Variants in VPS35L observed in about 807,000 individuals in gnomAD.
VPS35L encodes the protein VPS35 endosomal protein sorting factor like.
A neutral mutation model predicts 133.0 loss-of-function variants in VPS35L; 83 were observed. The ratio of observed to expected loss-of-function variants is 0.62; its 90% CI spans 0.52 to 0.75. The LOEUF (loss-of-function observed/expected upper bound fraction) is 0.75. Ranked by LOEUF, VPS35L falls within the 30% of genes least tolerant of loss-of-function variation. The pLI is 0.00. For synonymous variants in VPS35L, 423 were observed against 449.9 expected (o/e 0.94, Z 0.76); for missense variants, 1,083 against 1,206.8 (o/e 0.90, Z 1.52).
At chr16:19,648,901 G>C (rs1313945628) in intron 24 of VPS35L, among the ~76,000 whole-genome samples, 1 of 147,976 alleles carries the variant, frequency 6.8e-6, no homozygotes, top group East Asian at 2.0e-4. Context: ...AAAAAAGTTA[G>C]GTTCAGACAA....
chr16:19,676,193 A>G (rs1403831515), intron 27 of VPS35L, among the ~76,000 whole-genome samples: 4 of 152,170 alleles, frequency 2.6e-5, no homozygotes, highest in Non-Finnish European at 5.9e-5. Context: ...TGGAGGTTGT[A>G]GTGAGCCAAG....
intron 26 of VPS35L, among the ~76,000 whole-genome samples, chr16:19,663,086 G>T (rs2151598473): frequency 6.6e-6 from 1 of 152,188 alleles, no homozygotes; most frequent in African/African-American, 2.4e-5. Context: ...GAGGCGGGCA[G>T]ATCACCTGAG....
In VPS35L at chr16:19,616,051, C is replaced by T; in HGVS notation, c.1024-63C>T. 4 of 1,282,704 alleles carry T rather than the reference C, an allele frequency of 3.1e-6. No homozygotes were observed. The South Asian group carries it at 5.8e-5, about 19-fold the overall frequency. The allele number at this position is 1,282,704 out of a possible 1,614,324, so 79.5% of individuals were successfully genotyped here. ...CATAGGTATATATATTTTTTAATTT[C>T]CAAAAATAAAATCATACTATAGTCA... On this transcript the variant is annotated intron_variant, in intron 12 of 30. Transcript: ENST00000417362.
At chr16:19,651,214 T>A (rs1466593098) in intron 25 of VPS35L, among the ~76,000 whole-genome samples, 8 of 151,808 alleles carry the variant, frequency 5.3e-5, no homozygotes, top group African/African-American at 1.9e-4. Flanking sequence ...ATTTTCAGCT[T>A]CTTGAAGCTG....
intron 23 of VPS35L, 129 bp downstream of exon 23, chr16:19,645,078 G>T: frequency 3.8e-6 from 2 of 525,728 alleles, no homozygotes; most frequent in Non-Finnish European, 6.3e-6. Context: ...AATGAAATTA[G>T]AAAACATCTT....
intron 18 of VPS35L, among the ~76,000 whole-genome samples, 197 bp downstream of exon 18, chr16:19,630,017 A>G (rs1973395570): frequency 6.6e-6 from 1 of 152,222 alleles, no homozygotes; most frequent in Non-Finnish European, 1.5e-5. Flanking sequence ...TTCCATGTTT[A>G]CATTTAAGTT....
Position 19,629,764 on chromosome 16 carries a change from T to C in VPS35L, c.1501-3T>C. 1 of 1,613,226 alleles carries C rather than the reference T, an allele frequency of 6.2e-7. No homozygotes were observed. Among genetic ancestry groups the C allele is most frequent in the Non-Finnish European group, 8.5e-7 (1 of 1,179,148 alleles). On this transcript the variant is annotated splice_region_variant and splice_polypyrimidine_tract_variant and intron_variant, in intron 17 of 30. Transcript: ENST00000417362. ...GTTAAGATGTTTTCCTTTCTCTTTG[T>C]AGGACTACATTAATTGTGCCGAAGT...
At chr16:19,669,675 T>G (rs1045866722) in intron 27 of VPS35L, among the ~76,000 whole-genome samples, 1 of 71,328 alleles carries the variant, frequency 1.4e-5, no homozygotes, top group Non-Finnish European at 3.4e-5. Context: ...CTGTCTCTCT[T>G]TTTTTTTTTT....
chr16:19,629,624 TA>T, intron 17 of VPS35L, 142 bp from the exon 18 acceptor site: 1 of 591,844 alleles, frequency 1.7e-6, no homozygotes, highest in Non-Finnish European at 2.9e-6. Flanking sequence ...TATTCCTAAA[TA>T]AAAGATCAGC....
intron 6 of VPS35L, among the ~76,000 whole-genome samples, chr16:19,581,044 C>A (rs1971693349): frequency 6.6e-6 from 1 of 152,096 alleles, no homozygotes; most frequent in South Asian, 2.1e-4. Flanking sequence ...GAGTTAATAT[C>A]CGTCTGTCTT....
At chr16:19,584,234 T>G (rs748980045) in intron 7 of VPS35L, among the ~76,000 whole-genome samples, 1 of 152,350 alleles carries the variant, frequency 6.6e-6, no homozygotes, top group Non-Finnish European at 1.5e-5. Flanking sequence ...GTGGGATTGC[T>G]ACATCATATG....
Position 19,681,856 on chromosome 16 carries a change from C to G in VPS35L, c.2362-369C>G, listed in dbSNP as rs546609302. On this transcript the variant is annotated intron_variant, in intron 27 of 30. Coordinates refer to ENST00000417362, the MANE Select transcript of VPS35L (RefSeq NM_020314.7). Reference sequence around the variant, plus strand: ...ATCTGCTACGATACCCGCGATCCTGCTTTTGTGGTTGGAACAGGGCTTCCT... The same window carrying G: ...ATCTGCTACGATACCCGCGATCCTGGTTTTGTGGTTGGAACAGGGCTTCCT... 3.4e-5 allele frequency among the ~76,000 whole-genome samples: 5 copies of G among 145,962 alleles called. No homozygotes were observed. The South Asian group carries it at 1.1e-3, about 31-fold the overall frequency.
chr16:19,572,860 A>G (rs1246165644), intron 3 of VPS35L, among the ~76,000 whole-genome samples: 2 of 152,050 alleles, frequency 1.3e-5, no homozygotes, highest in Non-Finnish European at 2.9e-5. Flanking sequence ...TTTTTAGTAG[A>G]GATGGGGTTT....
intron 26 of VPS35L, among the ~76,000 whole-genome samples, chr16:19,667,644 G>A (rs1246803158): frequency 6.6e-6 from 1 of 151,612 alleles, no homozygotes; most frequent in East Asian, 1.9e-4. Flanking sequence ...TGAGGTAGGA[G>A]GATGGCTGGA....
At position 19,573,138 on chromosome 16, in the gene VPS35L, G is replaced by A. The variant is rs534959158; in HGVS notation, c.305G>A (p.Arg102His). 81 of 1,613,726 alleles carry A rather than the reference G, an allele frequency of 5.0e-5. 1 individual carries two copies. The highest frequency in any genetic ancestry group is 2.7e-4 in the African/African-American group (20 of 75,024). The change falls in exon 4 of 31, where the codon CGT becomes CAT. Residue 102 changes from arginine to histidine, a missense_variant. Arg to His is a conservative substitution (Grantham distance 29, BLOSUM62 0). Coordinates refer to ENST00000417362, the MANE Select transcript of VPS35L (RefSeq NM_020314.7). The part of the protein sequence containing the change: ...AAAMDSSRRK[R>H]DRDDNSVVGS... ...CTTTAGGACAGCTCCAGAAGGAAAC[G>A]TGATAGAGATGATAACTCCGTTGTA...
intron 12 of VPS35L, among the ~76,000 whole-genome samples, chr16:19,614,409 C>A (rs1375758457): frequency 6.6e-6 from 1 of 152,114 alleles, no homozygotes; most frequent in African/African-American, 2.4e-5. Context: ...TGGGAGAAAT[C>A]TCTCCCCATT....
At chr16:19,572,980 A>AT (rs1425947070) in intron 3 of VPS35L, 139 bp from the exon 4 acceptor site, 50 of 1,030,914 alleles carry the variant, frequency 4.9e-5, no homozygotes, top group South Asian at 1.6e-4. Flanking sequence ...TGGCGCTGTA[A>AT]TTTTTTTTAT....
intron 15 of VPS35L, among the ~76,000 whole-genome samples, chr16:19,627,328 A>C (rs938505949): frequency 2.6e-5 from 4 of 151,866 alleles, no homozygotes; most frequent in Non-Finnish European, 4.4e-5. Context: ...AACGATGTGG[A>C]TATATATTTA....
intron 14 of VPS35L, 147 bp downstream of exon 14, chr16:19,616,955 T>TG (rs1468586473): frequency 8.5e-7 from 1 of 1,182,760 alleles, no homozygotes; most frequent in African/African-American, 1.5e-5. Flanking sequence ...CTTGCCATGG[T>TG]GGCTGGCTCT....
Sources: gnomAD v4.1 joint callset for allele counts (sites outside exome capture counted in the v4.1 genomes callset) on GRCh38, gnomAD v4.1.1 for gene constraint, MANE v1.5 for transcripts, NCBI Gene and HGNC (gene_info 2026-07-23, HGNC 2026-07-21) for gene names.